Variants in IGDCC4 observed in about 807,000 individuals in gnomAD.
IGDCC4 encodes the protein likely ortholog of mouse neighbor of Punc E11.
A neutral mutation model predicts 116.6 loss-of-function variants in IGDCC4; 72 were observed. That is an observed-to-expected ratio of 0.62 (90% CI 0.51 to 0.75). The LOEUF is 0.75. Ranked by LOEUF, IGDCC4 falls within the 30% of genes least tolerant of loss-of-function variation. The pLI is 0.00. For synonymous variants in IGDCC4, 709 were observed against 719.9 expected (o/e 0.98, Z 0.24); for missense variants, 1,501 against 1,662.4 (o/e 0.90, Z 1.69).
chr15:65,417,657 A>G (rs139697054), intron 1 of IGDCC4, among the ~76,000 whole-genome samples: 64 of 152,212 alleles, frequency 4.2e-4, no homozygotes, highest in African/African-American at 1.5e-3. Context: ...GTGCAGTGGC[A>G]TGATCTCGGC....
intron 5 of IGDCC4, 44 bp from the exon 6 acceptor site, chr15:65,397,033 T>C (rs766129733): frequency 1.3e-6 from 2 of 1,553,152 alleles, no homozygotes; most frequent in Non-Finnish European, 1.7e-6. Context: ...CGCTAGGGAC[T>C]GCCCTTCCCT....
intron 3 of IGDCC4, among the ~76,000 whole-genome samples, chr15:65,403,016 G>T (rs983207986): frequency 2.0e-5 from 3 of 152,178 alleles, no homozygotes; most frequent in African/African-American, 7.2e-5. Flanking sequence ...TCTGTCCAGG[G>T]CAAGTTGGTG....
chr15:65,392,056 C>G (rs2062871655), intron 11 of IGDCC4, 75 bp from the exon 12 acceptor site: 1 of 1,547,214 alleles, frequency 6.5e-7, no homozygotes, highest in South Asian at 1.2e-5. Context: ...AGCATCCCAT[C>G]TCTAACTTCT....
intron 13 of IGDCC4, 86 bp from the exon 14 acceptor site, chr15:65,389,497 G>T: frequency 6.3e-7 from 1 of 1,577,280 alleles, no homozygotes; most frequent in Non-Finnish European, 8.7e-7. Flanking sequence ...CCTGCAGTCA[G>T]CCCCAGCCCC....
At position 65,385,050 on chromosome 15, in the gene IGDCC4, C is replaced by T; in HGVS notation, c.3246G>A (p.Gln1082=). The T allele has an allele frequency of 1.2e-6, 2 of 1,603,750 alleles. No homozygotes were observed. The highest frequency in any genetic ancestry group is 1.7e-6 in the Non-Finnish European group (2 of 1,177,116). ...GGGTCAGAGCCGGCCGGGGGCCTGC[C>T]TGGGGCAGCTCACAGCCTGCCCAGG... is the stretch of plus-strand genomic sequence containing the variant. ...AGSWAGCELP[Q]AGPRPALTRA... The change falls in exon 19 of 20, where the codon CAG becomes CAA. Residue 1082 remains glutamine (Q), a synonymous_variant. Transcript: ENST00000352385.
chr15:65,415,537 C>T (rs1312516976), intron 1 of IGDCC4, among the ~76,000 whole-genome samples: 1 of 152,212 alleles, frequency 6.6e-6, no homozygotes, highest in African/African-American at 2.4e-5. Context: ...CGGGGTCCCC[C>T]TCAGAGAGCA....
At chr15:65,394,842 C>T (rs2062904990) in intron 8 of IGDCC4, among the ~76,000 whole-genome samples, 1 of 152,196 alleles carries the variant, frequency 6.6e-6, no homozygotes, top group African/African-American at 2.4e-5. Flanking sequence ...AACTGCATGA[C>T]ACAGGGAATC....
chr15:65,388,938 C>A lies in IGDCC4; in HGVS notation c.2577G>T (p.Leu859=). The A allele has an allele frequency of 6.2e-7, 1 of 1,611,848 alleles. No individual in the cohort carries two copies. The highest frequency in any genetic ancestry group is 8.5e-7 in the Non-Finnish European group (1 of 1,179,080). ...TPPSDLRLSP[L]TPSTVRLHWC... Reference sequence around the variant, plus strand: ...AGTGCAGCCGAACCGTGGACGGTGTCAGGGGGCTCAGTCGCAGGTCGGATG... The same window carrying A: ...AGTGCAGCCGAACCGTGGACGGTGTAAGGGGGCTCAGTCGCAGGTCGGATG... Residue 859 remains leucine (L), a synonymous_variant, in exon 15 of 20, where the codon CTG becomes CTT. Coordinates refer to ENST00000352385, the MANE Select transcript of IGDCC4 (RefSeq NM_020962.3).
chr15:65,389,597 C>T (rs1234460878), intron 13 of IGDCC4, among the ~76,000 whole-genome samples, 186 bp from the exon 14 acceptor site: 1 of 152,224 alleles, frequency 6.6e-6, no homozygotes, highest in Non-Finnish European at 1.5e-5. Flanking sequence ...ATGTATGCTG[C>T]TCCAAGTCCA....
chr15:65,416,060 A>G (rs1022663137), intron 1 of IGDCC4, among the ~76,000 whole-genome samples: 2 of 151,682 alleles, frequency 1.3e-5, no homozygotes, highest in African/African-American at 2.4e-5. Context: ...AACTTCTCAA[A>G]CGTTTTCACC....
In IGDCC4 at chr15:65,389,329, C is replaced by G. The variant is rs1446330400; in HGVS notation, c.2491G>C (p.Asp831His). The G allele has an allele frequency of 6.2e-7, 1 of 1,614,074 alleles. No individual in the cohort carries two copies. The highest frequency in any genetic ancestry group is 8.5e-7 in the Non-Finnish European group (1 of 1,180,036). The change falls in exon 14 of 20, where the codon GAT becomes CAT. Residue 831 changes from aspartate (D) to histidine (H), a missense_variant. This residue lies in a region of IGDCC4 where 235 missense variants were observed against 328.0 expected (regional missense o/e 0.72). Coordinates refer to ENST00000352385, the MANE Select transcript of IGDCC4 (RefSeq NM_020962.3). The stretch of plus-strand genomic sequence containing the variant: ...TCCACCACAGAGCCGAAAGGCCCAT[C>G]CATGTCCACGCCGTGAGACTGCACT... The part of the protein sequence containing the change: ...FAVQSHGVDM[D>H]GPFGSVVERS...
intron 4 of IGDCC4, among the ~76,000 whole-genome samples, chr15:65,401,410 C>A (rs544399564): frequency 6.6e-6 from 1 of 152,218 alleles, no homozygotes; most frequent in African/African-American, 2.4e-5. Flanking sequence ...TCTGCCTGTG[C>A]GGCAGTTCCC....
At chr15:65,401,652 A>G (rs2062987656) in intron 4 of IGDCC4, among the ~76,000 whole-genome samples, 1 of 152,140 alleles carries the variant, frequency 6.6e-6, no homozygotes, top group African/African-American at 2.4e-5. Context: ...GAAGCAAGGG[A>G]GGTGCCCCTG....
At chr15:65,420,314 TTCC>T (rs764706248) in intron 1 of IGDCC4, among the ~76,000 whole-genome samples, 1 of 152,164 alleles carries the variant, frequency 6.6e-6, no homozygotes, top group Non-Finnish European at 1.5e-5. Flanking sequence ...CTGATTCTAT[TTCC>T]TGAAAATCTC....
In IGDCC4 at chr15:65,402,821, T is replaced by C. The variant is rs539726736; in HGVS notation, c.564-334A>G. On this transcript the variant is annotated intron_variant, in intron 3 of 19. Transcript: ENST00000352385. ...GGCGGAGGTTGCGGTGAGCCAAGAT[T>C]GCACCATTGCACTCCAGCCTGGGCG... 1.2e-3 allele frequency among the ~76,000 whole-genome samples: 186 copies of C among 152,100 alleles called. 1 individual carries two copies. The highest frequency in any genetic ancestry group is 2.3e-3 in the Non-Finnish European group (157 of 67,976).
At chr15:65,392,039 C>T (rs1438629769) in intron 11 of IGDCC4, 58 bp from the exon 12 acceptor site, 2 of 1,552,202 alleles carry the variant, frequency 1.3e-6, no homozygotes, top group African/African-American at 2.7e-5. Flanking sequence ...CTCTCCCGTC[C>T]ACAGAGAGCA....
At chr15:65,385,560 TGA>T in intron 18 of IGDCC4, 1 of 567,858 alleles carries the variant, frequency 1.8e-6, no homozygotes, top group Non-Finnish European at 3.1e-6. Flanking sequence ...GCTCCAGGGA[TGA>T]GGAGGGAGCT....
At chr15:65,406,124 G>A (rs1161001507) in intron 3 of IGDCC4, among the ~76,000 whole-genome samples, 1 of 152,224 alleles carries the variant, frequency 6.6e-6, no homozygotes, top group African/African-American at 2.4e-5. Context: ...GTGAGTGAAT[G>A]GCGATAACAA....
chr15:65,407,246 G>GA (rs890896264), intron 3 of IGDCC4, among the ~76,000 whole-genome samples: 4 of 138,352 alleles, frequency 2.9e-5, no homozygotes, highest in African/African-American at 1.1e-4. Flanking sequence ...AGTGGTAAGT[G>GA]AAAAAAAAAT....
Sources: gnomAD v4.1 joint callset for allele counts (sites outside exome capture counted in the v4.1 genomes callset) on GRCh38, gnomAD v4.1.1 for gene constraint, gnomAD v4.1.1 regional missense constraint, MANE v1.5 for transcripts, NCBI Gene and HGNC (gene_info 2026-07-23, HGNC 2026-07-21) for gene names.